The following DDC variants were observed in gnomAD, a reference collection of about 807,000 sequenced individuals.
DDC encodes the protein aromatic-L-amino-acid decarboxylase.
DDC carries 43 observed loss-of-function variants against 60.0 expected under a neutral mutation model. That is an observed-to-expected ratio of 0.72 (90% CI 0.56 to 0.92). The LOEUF (loss-of-function observed/expected upper bound fraction) is 0.92, where lower values mean the gene tolerates loss of function less well. DDC is among the 40% of genes least tolerant of loss of function. The probability of loss-of-function intolerance (pLI) is 0.00; values close to 1 mark genes in which losing one functional copy is unlikely to be tolerated. For synonymous variants in DDC, 232 were observed against 234.6 expected (o/e 0.99, Z 0.10); for missense variants, 573 against 620.2 (o/e 0.92, Z 0.81).
chr7:50,551,074 A>C (rs560133806), intron 1 of DDC, among the ~76,000 whole-genome samples: 1 of 152,220 alleles, frequency 6.6e-6, no homozygotes, highest in African/African-American at 2.4e-5. Context: ...TAATTTATTT[A>C]GAACAAATTC....
At chr7:50,487,273 G>GTT (rs2042906168) in intron 9 of DDC, among the ~76,000 whole-genome samples, 1 of 152,088 alleles carries the variant, frequency 6.6e-6, no homozygotes, top group Admixed American at 6.5e-5. Context: ...GATTAATTTG[G>GTT]TAAAGTTAGT....
intron 1 of DDC, among the ~76,000 whole-genome samples, chr7:50,557,187 G>A (rs2153554117): frequency 6.6e-6 from 1 of 152,336 alleles, no homozygotes; most frequent in South Asian, 2.1e-4. Flanking sequence ...GAAGGAGGAA[G>A]GAGCTTTGTG....
intron 1 of DDC, among the ~76,000 whole-genome samples, chr7:50,548,339 G>A (rs1179110854): frequency 6.6e-6 from 1 of 152,188 alleles, no homozygotes; most frequent in Non-Finnish European, 1.5e-5. Flanking sequence ...CAAAAGTTGA[G>A]CCAGGTCAAA....
chr7:50,462,226 C>CAAAAAAAAAAAAAAAAAAAAAGAAA (rs2042290938), intron 14 of DDC, among the ~76,000 whole-genome samples: 1 of 75,380 alleles, frequency 1.3e-5, no homozygotes, highest in Non-Finnish European at 2.4e-5. Flanking sequence ...GACAAAAAGA[C>CAAAAAAAAAAAAAAAAAAAAAGAAA]AAAAAAAAAA....
At chr7:50,499,491 C>T (rs903229224) in intron 7 of DDC, among the ~76,000 whole-genome samples, 3 of 152,178 alleles carry the variant, frequency 2.0e-5, no homozygotes, top group Non-Finnish European at 4.4e-5. Flanking sequence ...CTCTCCTGAC[C>T]CTGGCGGCTA....
intron 1 of DDC, among the ~76,000 whole-genome samples, chr7:50,555,167 C>T (rs1310237281): frequency 6.6e-6 from 1 of 152,114 alleles, no homozygotes; most frequent in Non-Finnish European, 1.5e-5. Flanking sequence ...GAGCCAGTGT[C>T]ACGGGGATGG....
At chr7:50,508,870 A>G (rs979330562) in intron 6 of DDC, among the ~76,000 whole-genome samples, 1 of 152,138 alleles carries the variant, frequency 6.6e-6, no homozygotes, top group Non-Finnish European at 1.5e-5. Flanking sequence ...AAGACAACAA[A>G]CAAGGTGCAT....
At chr7:50,496,761 C>A (rs945221095) in intron 8 of DDC, among the ~76,000 whole-genome samples, 3 of 152,150 alleles carry the variant, frequency 2.0e-5, no homozygotes, top group African/African-American at 7.2e-5. Context: ...GACTCTCCTA[C>A]TGGGAAACTT....
At chr7:50,534,019 T>A (rs1340318516) in intron 4 of DDC, among the ~76,000 whole-genome samples, 1 of 152,200 alleles carries the variant, frequency 6.6e-6, no homozygotes, top group Non-Finnish European at 1.5e-5. Flanking sequence ...TTTTATTGAG[T>A]GCAAGCACAA....
intron 4 of DDC, among the ~76,000 whole-genome samples, chr7:50,537,034 GTTGT>G (rs1186986087): frequency 2.9e-5 from 2 of 69,370 alleles, no homozygotes; most frequent in East Asian, 8.6e-4. Flanking sequence ...ATGCTAGGAA[GTTGT>G]TTTTTTTTTT....
At chr7:50,540,492 A>C (rs554363359) in intron 2 of DDC, among the ~76,000 whole-genome samples, 2 of 68,310 alleles carry the variant, frequency 2.9e-5, no homozygotes, top group Non-Finnish European at 7.1e-5. Flanking sequence ...ACAAACAAAC[A>C]AACAAAAAAA....
rs747757151 is a variant in DDC, at chr7:50,540,062, G to A, written c.202-34C>T. On this transcript the variant is annotated intron_variant, in intron 2 of 14. Transcript: ENST00000444124. Reference sequence around the variant, plus strand: ...GAGGACAGAGCAGCTGCTGAGGAGTGAGGAAAGCCAGGCCTCAAGAGAGCG... The same window carrying A: ...GAGGACAGAGCAGCTGCTGAGGAGTAAGGAAAGCCAGGCCTCAAGAGAGCG... The A allele has an allele frequency of 1.9e-6, 3 of 1,558,778 alleles. No individual in the cohort carries two copies. The African/African-American group carries it at 4.1e-5, about 21-fold the overall frequency.
chr7:50,538,558 G>A (rs1482911171), intron 3 of DDC, among the ~76,000 whole-genome samples: 1 of 152,204 alleles, frequency 6.6e-6, no homozygotes, highest in Non-Finnish European at 1.5e-5. Flanking sequence ...AGATCTAAGT[G>A]AGAAGAGTGC....
intron 9 of DDC, among the ~76,000 whole-genome samples, chr7:50,493,329 G>T (rs1161664459): frequency 6.6e-6 from 1 of 152,176 alleles, no homozygotes; most frequent in Non-Finnish European, 1.5e-5. Flanking sequence ...CATCAGCCCT[G>T]CCCTGCTCAA....
intron 6 of DDC, among the ~76,000 whole-genome samples, chr7:50,516,059 T>C (rs2043719346): frequency 6.6e-6 from 1 of 152,140 alleles, no homozygotes; most frequent in African/African-American, 2.4e-5. Flanking sequence ...ATTTAAACTA[T>C]ATCCTGGAAC....
intron 11 of DDC, among the ~76,000 whole-genome samples, chr7:50,475,485 T>A (rs2042621465): frequency 6.6e-6 from 1 of 151,974 alleles, no homozygotes; most frequent in Admixed American, 6.5e-5. Context: ...TTGGGAAGGT[T>A]TACTGCTGCC....
At chr7:50,539,271 C>G (rs1254569145) in intron 3 of DDC, 1 of 155,690 alleles carries the variant, frequency 6.4e-6, no homozygotes, top group Non-Finnish European at 1.4e-5. Flanking sequence ...GCAGCTCTAC[C>G]TCCAAGCTCT....
chr7:50,553,484 CTTTTTTT>C (rs5884158), intron 1 of DDC, among the ~76,000 whole-genome samples: 4 of 90,938 alleles, frequency 4.4e-5, no homozygotes, highest in African/African-American at 8.0e-5. Context: ...TCTTTCTTTT[CTTTTTTT>C]TTTTTTTTTT....
intron 14 of DDC, among the ~76,000 whole-genome samples, chr7:50,461,467 A>G (rs1027978032): frequency 2.1e-4 from 32 of 152,230 alleles, no homozygotes; most frequent in Non-Finnish European, 4.1e-4. Context: ...TTTCATTTTT[A>G]CCTTTTGAAT....
Sources: gnomAD v4.1 joint callset for allele counts (sites outside exome capture counted in the v4.1 genomes callset) on GRCh38, gnomAD v4.1.1 for gene constraint, MANE v1.5 for transcripts, NCBI Gene and HGNC (gene_info 2026-07-23, HGNC 2026-07-21) for gene names.